The following PPM1L variants were observed in gnomAD, a reference collection of about 807,000 sequenced individuals.
The protein encoded by PPM1L is protein phosphatase, Mg2+/Mn2+ dependent 1L.
PPM1L carries 13 observed loss-of-function variants against 31.4 expected under a neutral mutation model. The observed-to-expected ratio is 0.41, with a 90% CI of 0.27 to 0.66. The LOEUF (loss-of-function observed/expected upper bound fraction) is 0.66, where lower values mean the gene tolerates loss of function less well. Among genes scored for constraint, PPM1L ranks in the 30% least tolerant of loss-of-function variants. The pLI is 0.29. For missense variants in PPM1L, 326 were observed against 453.7 expected (o/e 0.72, Z 2.56); for synonymous variants, 184 against 175.4 (o/e 1.05, Z -0.39).
intron 2 of PPM1L, among the ~76,000 whole-genome samples, chr3:161,041,518 AG>A (rs1489015122): frequency 1.3e-5 from 2 of 152,202 alleles, no homozygotes; most frequent in Non-Finnish European, 2.9e-5. Context: ...TGGGAGGCCA[AG>A]GCAGGCAGAT....
At chr3:160,798,813 T>A (rs997797023) in intron 1 of PPM1L, among the ~76,000 whole-genome samples, 1 of 152,200 alleles carries the variant, frequency 6.6e-6, no homozygotes, top group African/African-American at 2.4e-5. Context: ...CCATAGATAG[T>A]GATTCCTCTG....
intron 1 of PPM1L, among the ~76,000 whole-genome samples, chr3:160,934,390 CTGT>C (rs992019348): frequency 1.3e-5 from 2 of 152,158 alleles, no homozygotes; most frequent in African/African-American, 4.8e-5. Flanking sequence ...GTGGTGTGAT[CTGT>C]TGTTTTTTTC....
chr3:160,984,183 A>G (rs928109235), intron 2 of PPM1L, among the ~76,000 whole-genome samples: 1 of 152,222 alleles, frequency 6.6e-6, no homozygotes, highest in Non-Finnish European at 1.5e-5. Context: ...CCCTATCTAC[A>G]TCTGCATAAA....
chr3:160,834,318 C>T (rs564016677), intron 1 of PPM1L, among the ~76,000 whole-genome samples: 189 of 152,116 alleles, frequency 1.2e-3, no homozygotes, highest in African/African-American at 3.4e-3. Flanking sequence ...CCACCGTGCC[C>T]GGCCTTAAAT....
intron 1 of PPM1L, among the ~76,000 whole-genome samples, chr3:160,814,695 G>A (rs975862940): frequency 3.1e-4 from 31 of 101,280 alleles, no homozygotes; most frequent in Non-Finnish European, 4.3e-4. Context: ...TATACCATAC[G>A]TATATGTGTA....
intron 2 of PPM1L, among the ~76,000 whole-genome samples, chr3:161,026,697 CAAA>C (rs5853919): frequency 4.6e-5 from 6 of 131,818 alleles, no homozygotes; most frequent in African/African-American, 8.1e-5. Context: ...GACTCTGTCT[CAAA>C]AAAAAAAAAA....
chr3:160,960,678 C>T (rs1715936339), intron 1 of PPM1L, among the ~76,000 whole-genome samples: 1 of 151,848 alleles, frequency 6.6e-6, no homozygotes, highest in Admixed American at 6.6e-5. Flanking sequence ...TAACCTTAGA[C>T]ACTATGTGAG....
chr3:161,022,146 T>A, intron 2 of PPM1L: 1 of 679,450 alleles, frequency 1.5e-6, no homozygotes, highest in Non-Finnish European at 2.7e-6. Context: ...TTTTTTTTTT[T>A]ACCCTTAGTT....
Position 161,078,379 on chromosome 3 carries a change from C to T in PPM1L, c.*9222C>T, listed in dbSNP as rs1720175732. The T allele has an allele frequency of 1.3e-5, 2 of 152,094 alleles. No homozygotes were observed. The highest frequency in any genetic ancestry group is 2.4e-5 in the African/African-American group (1 of 41,428). 9.4% of individuals were successfully genotyped at this position (152,094 alleles called of 1,614,324 possible). A position where few individuals can be genotyped will look rare whatever the true frequency, so the allele number is the denominator to read the frequency against. ...TTTTTCCATCAGCATTTTCTTGCAACTTTAAAAATCACAAGGGATTATTTG... is the reference window on the plus strand; with the variant it reads ...TTTTTCCATCAGCATTTTCTTGCAATTTTAAAAATCACAAGGGATTATTTG... On this transcript the variant is annotated 3_prime_UTR_variant, in exon 4 of 4. Transcript: ENST00000498165.
At chr3:160,763,122 C>A (rs1452757254) in intron 1 of PPM1L, among the ~76,000 whole-genome samples, 1 of 152,140 alleles carries the variant, frequency 6.6e-6, no homozygotes, top group Admixed American at 6.6e-5. Context: ...TCCTCCTCCC[C>A]TTGCTTTTTT....
In PPM1L at chr3:160,765,524, A is replaced by G. The variant is rs573668522; in HGVS notation, c.399+8817A>G. On this transcript the variant is annotated intron_variant, in intron 1 of 3. Coordinates refer to ENST00000498165, the MANE Select transcript of PPM1L (RefSeq NM_139245.4). ...CCTAGAAAAGTCCTGTAGTTAAAAA[A>G]GATTGGGGTTAGAAGTCAGAGCAGG... 2.0e-5 allele frequency among the ~76,000 whole-genome samples: 3 copies of G among 152,310 alleles called. No individual in the cohort carries two copies. In the East Asian group the frequency reaches 5.8e-4, roughly 29 times the overall value.
chr3:160,803,805 G>A (rs1269846013), intron 1 of PPM1L, among the ~76,000 whole-genome samples: 2 of 152,186 alleles, frequency 1.3e-5, no homozygotes, highest in Non-Finnish European at 2.9e-5. Flanking sequence ...CACATTCAAA[G>A]GTATTTTTCC....
chr3:160,835,150 T>TTCC (rs1713677548), intron 1 of PPM1L, among the ~76,000 whole-genome samples: 1 of 104,998 alleles, frequency 9.5e-6, no homozygotes, highest in African/African-American at 6.1e-5. Context: ...TTTTTCTTCC[T>TTCC]TTTTTTTTTT....
chr3:160,764,359 A>AT (rs1189095860), intron 1 of PPM1L, among the ~76,000 whole-genome samples: 1 of 152,076 alleles, frequency 6.6e-6, no homozygotes, highest in Non-Finnish European at 1.5e-5. Context: ...AAATATACAT[A>AT]TGTAGATTTA....
At chr3:160,842,818 C>A (rs924272317) in intron 1 of PPM1L, among the ~76,000 whole-genome samples, 1 of 152,218 alleles carries the variant, frequency 6.6e-6, no homozygotes, top group Admixed American at 6.5e-5. Context: ...ACCTGGCCTG[C>A]GGAGGATTGT....
intron 1 of PPM1L, among the ~76,000 whole-genome samples, chr3:160,817,047 AAAG>A (rs1331992642): frequency 2.0e-5 from 3 of 152,124 alleles, no homozygotes; most frequent in Non-Finnish European, 4.4e-5. Context: ...AAGTGGTAGA[AAAG>A]AAGAAAAGTT....
intron 2 of PPM1L, among the ~76,000 whole-genome samples, chr3:161,034,566 A>T (rs1718682725): frequency 6.6e-6 from 1 of 151,992 alleles, no homozygotes; most frequent in Non-Finnish European, 1.5e-5. Context: ...GCTGGAAACC[A>T]TCAATCTCAG....
At chr3:161,010,880 T>G (rs915174064) in intron 2 of PPM1L, among the ~76,000 whole-genome samples, 1 of 151,990 alleles carries the variant, frequency 6.6e-6, no homozygotes, top group Non-Finnish European at 1.5e-5. Flanking sequence ...TGTTTTATTC[T>G]TGCAAATTTG....
chr3:161,035,505 G>A (rs1385831017), intron 2 of PPM1L, among the ~76,000 whole-genome samples: 3 of 152,280 alleles, frequency 2.0e-5, no homozygotes, highest in African/African-American at 7.2e-5. Flanking sequence ...GTCCAGATAC[G>A]TACAACTACT....
Sources: allele counts gnomAD v4.1 joint callset (sites outside exome capture counted in the v4.1 genomes callset), GRCh38; gene constraint gnomAD v4.1.1; transcripts MANE v1.5; gene names NCBI Gene and HGNC (gene_info 2026-07-23, HGNC 2026-07-21).